The following ADGRL2 variants were observed in gnomAD, a reference collection of about 807,000 sequenced individuals.
ADGRL2 encodes the protein calcium-independent alpha-latrotoxin receptor 2.
ADGRL2 carries 44 observed loss-of-function variants against 157.4 expected under a neutral mutation model. The observed-to-expected ratio is 0.28, with a 90% CI of 0.22 to 0.36. ADGRL2 has a LOEUF of 0.36. ADGRL2 is among the 10% of genes least tolerant of loss of function. The pLI is 1.00. For synonymous variants in ADGRL2, 585 were observed against 624.7 expected, an observed-to-expected ratio of 0.94 and a Z score of 0.95; for missense variants, 1,510 against 1,768.9, an observed-to-expected ratio of 0.85 and a Z score of 2.63.
intron 2 of ADGRL2, among the ~76,000 whole-genome samples, chr1:81,477,843 T>A (rs564448100): frequency 3.7e-4 from 56 of 152,312 alleles, no homozygotes; most frequent in Middle Eastern, 3.4e-3. Flanking sequence ...GTTCTCTGTT[T>A]TGAAAAGCAG....
At chr1:81,676,891 G>A (rs951810160) in intron 3 of ADGRL2, among the ~76,000 whole-genome samples, 55 of 149,146 alleles carry the variant, frequency 3.7e-4, no homozygotes, top group Non-Finnish European at 7.4e-4. Context: ...GGGTTTTATT[G>A]TGTTAGCCAG....
intron 3 of ADGRL2, among the ~76,000 whole-genome samples, chr1:81,929,858 T>C (rs528992304): frequency 6.6e-6 from 1 of 152,190 alleles, no homozygotes; most frequent in Non-Finnish European, 1.5e-5. Context: ...TTTCTTGATG[T>C]TTGTTATCCA....
chr1:81,568,147 T>G (rs2080605074), intron 2 of ADGRL2, among the ~76,000 whole-genome samples: 1 of 152,068 alleles, frequency 6.6e-6, no homozygotes, highest in African/African-American at 2.4e-5. Context: ...TTAAAAAAAT[T>G]ATATAGTGGT....
chr1:81,612,450 C>A (rs2081561431), intron 3 of ADGRL2, among the ~76,000 whole-genome samples: 1 of 152,030 alleles, frequency 6.6e-6, no homozygotes, highest in South Asian at 2.1e-4. Context: ...TATGAAGTAC[C>A]AAAAATAACA....
intron 2 of ADGRL2, among the ~76,000 whole-genome samples, chr1:81,851,192 C>A (rs1377260263): frequency 6.6e-6 from 1 of 151,840 alleles, no homozygotes; most frequent in Non-Finnish European, 1.5e-5. Context: ...TTATTTACTG[C>A]AGCCTCAATT....
At chr1:81,758,881 G>C (rs1462808136) in intron 1 of ADGRL2, among the ~76,000 whole-genome samples, 1 of 152,078 alleles carries the variant, frequency 6.6e-6, no homozygotes, top group Non-Finnish European at 1.5e-5. Context: ...TACATAAAGA[G>C]ACCTTCAAAT....
intron 23 of ADGRL2, among the ~76,000 whole-genome samples, chr1:81,988,866 T>C: frequency 6.6e-6 from 1 of 152,218 alleles, no homozygotes; most frequent in Non-Finnish European, 1.5e-5. Context: ...TTCCAAGAAT[T>C]AAATTTTTTC....
intron 1 of ADGRL2, chr1:81,722,397 T>C (rs2084362386): frequency 4.8e-6 from 4 of 834,468 alleles, no homozygotes; most frequent in Non-Finnish European, 8.2e-6. Flanking sequence ...CAGAAAGCCA[T>C]TGACTTATTC....
At chr1:81,442,629 G>A (rs1475649686) in intron 1 of ADGRL2, among the ~76,000 whole-genome samples, 1 of 151,742 alleles carries the variant, frequency 6.6e-6, no homozygotes, top group Non-Finnish European at 1.5e-5. Flanking sequence ...CAGTTATGTT[G>A]GACCCTCACA....
At chr1:81,391,824 A>G (rs1308498642) in intron 1 of ADGRL2, among the ~76,000 whole-genome samples, 1 of 152,212 alleles carries the variant, frequency 6.6e-6, no homozygotes, top group Non-Finnish European at 1.5e-5. Context: ...AGGCACAAGT[A>G]TGTCACTCTG....
chr1:81,767,339 T>A (rs1258789119), intron 2 of ADGRL2, among the ~76,000 whole-genome samples: 1 of 152,140 alleles, frequency 6.6e-6, no homozygotes, highest in African/African-American at 2.4e-5. Context: ...TATAAGTAGA[T>A]ATGTGCAAAA....
intron 3 of ADGRL2, among the ~76,000 whole-genome samples, chr1:81,690,547 C>T (rs1474133357): frequency 6.6e-6 from 1 of 152,082 alleles, no homozygotes; most frequent in African/African-American, 2.4e-5. Flanking sequence ...ATCATTTAAT[C>T]CGGGACTATC....
intron 2 of ADGRL2, among the ~76,000 whole-genome samples, chr1:81,454,078 T>C (rs1026708171): frequency 1.3e-5 from 2 of 152,152 alleles, no homozygotes; most frequent in African/African-American, 4.8e-5. Context: ...TGAGGATTAC[T>C]GACAGAGAAA....
chr1:81,346,251 G>A (rs1414396534), intron 1 of ADGRL2, among the ~76,000 whole-genome samples: 1 of 152,188 alleles, frequency 6.6e-6, no homozygotes, highest in African/African-American at 2.4e-5. Flanking sequence ...TTATGCTTAT[G>A]TAGAAATAAG....
intron 3 of ADGRL2, among the ~76,000 whole-genome samples, chr1:81,668,423 A>AG: frequency 6.6e-6 from 1 of 152,298 alleles, no homozygotes; most frequent in East Asian, 1.9e-4. Flanking sequence ...TCAAAAAAAA[A>AG]AAAAAGCAAG....
chr1:81,374,434 T>G (rs1002631560), intron 1 of ADGRL2, among the ~76,000 whole-genome samples: 2 of 152,022 alleles, frequency 1.3e-5, no homozygotes, highest in Non-Finnish European at 2.9e-5. Context: ...TAGCCGGACG[T>G]GGTGGCGGGC....
chr1:81,581,912 C>T (rs1001283264), intron 3 of ADGRL2, among the ~76,000 whole-genome samples: 3 of 137,800 alleles, frequency 2.2e-5, no homozygotes, highest in African/African-American at 8.1e-5. Context: ...ACACACACAC[C>T]CCTGCCTCAG....
rs1290444314 is a variant in ADGRL2 at position 81,702,407 on chromosome 1, CCACTT to C, written c.-143+2605_-143+2609del. Reference sequence around the variant, plus strand: ...ACACTCATACATACCACCTAAGCTTCCACTTCACTTTCAGAGTAGTCATAACCTTC... The same window carrying C: ...ACACTCATACATACCACCTAAGCTTCCACTTTCAGAGTAGTCATAACCTTC... On this transcript the variant is annotated intron_variant, in intron 1 of 20. Transcript: ENST00000359929. Among the ~76,000 whole-genome samples the C allele has an allele frequency of 2.6e-5, 4 of 152,188 alleles. 1 individual carries two copies. The highest frequency in any genetic ancestry group is 5.9e-5 in the Non-Finnish European group (4 of 68,042).
chr1:81,665,182 T>C (rs2082729108), intron 3 of ADGRL2, among the ~76,000 whole-genome samples: 1 of 152,142 alleles, frequency 6.6e-6, no homozygotes, highest in Non-Finnish European at 1.5e-5. Flanking sequence ...ACTGATTATT[T>C]AGAATTAGTA....
Sources: allele counts gnomAD v4.1 joint callset (sites outside exome capture counted in the v4.1 genomes callset), GRCh38; gene constraint gnomAD v4.1.1; transcripts MANE v1.5; gene names NCBI Gene and HGNC (gene_info 2026-07-23, HGNC 2026-07-21).